The following GRID2 variants were observed in gnomAD, a reference collection of about 807,000 sequenced individuals.
The protein encoded by GRID2 is glutamate receptor ionotropic, delta-2.
GRID2 carries 33 observed loss-of-function variants against 114.8 expected under a neutral mutation model. The observed-to-expected ratio is 0.29, with a 90% CI of 0.22 to 0.38. The LOEUF is 0.38. Ranked by LOEUF, GRID2 falls within the 10% of genes least tolerant of loss-of-function variation. GRID2 has a pLI of 1.00. For missense variants in GRID2, 1,184 were observed against 1,257.7 expected (o/e 0.94, Z 0.89); for synonymous variants, 505 against 449.9 (o/e 1.12, Z -1.55).
At chr4:93,701,091 T>G (rs1292452954) in intron 14 of GRID2, among the ~76,000 whole-genome samples, 4 of 152,134 alleles carry the variant, frequency 2.6e-5, no homozygotes, top group East Asian at 1.9e-4. Context: ...GAAGGAAGCT[T>G]TGTTCAGCCC....
At chr4:92,807,678 C>T (rs756824610) in intron 2 of GRID2, among the ~76,000 whole-genome samples, 3 of 151,918 alleles carry the variant, frequency 2.0e-5, no homozygotes, top group Non-Finnish European at 4.4e-5. Flanking sequence ...TGAAAGGAGA[C>T]GTTGATAAGA....
chr4:92,515,225 T>G (rs553049595), intron 1 of GRID2, among the ~76,000 whole-genome samples: 75 of 152,052 alleles, frequency 4.9e-4, no homozygotes, highest in African/African-American at 1.8e-3. Flanking sequence ...AAAATTCTGT[T>G]GTTCACCATT....
chr4:92,713,464 CATATACATATACATATATATAT>C (rs1370382834), intron 2 of GRID2, among the ~76,000 whole-genome samples: 3 of 73,226 alleles, frequency 4.1e-5, no homozygotes, highest in African/African-American at 1.6e-4. Context: ...CATATATTTA[CATATACATATACATATATATAT>C]ATATATATAT....
chr4:93,805,108 G>A (rs149497949), intron 1 of GRID2, among the ~76,000 whole-genome samples: 58 of 152,270 alleles, frequency 3.8e-4, no homozygotes, highest in African/African-American at 1.3e-3. Context: ...GAAGAAATGT[G>A]TAAATTTTGC....
intron 1 of GRID2, among the ~76,000 whole-genome samples, chr4:92,419,923 G>A (rs868470522): frequency 3.9e-5 from 6 of 151,936 alleles, no homozygotes; most frequent in East Asian, 1.9e-4. Context: ...CAAATTTTAC[G>A]CTGTTGTTCT....
intron 1 of GRID2, among the ~76,000 whole-genome samples, chr4:92,547,689 T>G (rs1328219427): frequency 6.6e-6 from 1 of 152,130 alleles, no homozygotes; most frequent in East Asian, 1.9e-4. Context: ...TTTCATTGCT[T>G]TCTTTATATG....
At chr4:92,628,457 C>G (rs1305074637) in intron 2 of GRID2, among the ~76,000 whole-genome samples, 1 of 152,138 alleles carries the variant, frequency 6.6e-6, no homozygotes, top group African/African-American at 2.4e-5. Flanking sequence ...CTCCCAGGTT[C>G]AAGCAATTCT....
At chr4:92,974,588 C>G (rs1173639919) in intron 2 of GRID2, among the ~76,000 whole-genome samples, 2 of 151,910 alleles carry the variant, frequency 1.3e-5, no homozygotes, top group Non-Finnish European at 1.5e-5. Context: ...ATCACAAGAT[C>G]AGAAAACCAT....
chr4:92,355,523 T>G (rs1447493393), intron 1 of GRID2, among the ~76,000 whole-genome samples: 1 of 151,784 alleles, frequency 6.6e-6, no homozygotes. Flanking sequence ...GAAAAAAAGG[T>G]CATAAGGGTA....
chr4:92,835,304 T>C (rs1742379873), intron 2 of GRID2, among the ~76,000 whole-genome samples: 1 of 151,940 alleles, frequency 6.6e-6, no homozygotes, highest in African/African-American at 2.4e-5. Flanking sequence ...ATGCATACAT[T>C]AATTATTTTT....
chr4:92,482,254 G>T (rs56022555), intron 1 of GRID2, among the ~76,000 whole-genome samples: 3,868 of 151,588 alleles, frequency 0.026, 159 homozygotes, highest in African/African-American at 0.088. Context: ...TTATATGTGG[G>T]TGCTAAACTT....
intron 9 of GRID2, among the ~76,000 whole-genome samples, chr4:93,400,191 A>G (rs550358415): frequency 2.6e-5 from 4 of 152,176 alleles, no homozygotes; most frequent in East Asian, 3.9e-4. Flanking sequence ...GAAATTTGAT[A>G]TAATTATTGA....
Position 93,332,251 on chromosome 4 carries a change from A to AGT in GRID2, c.1246-63342_1246-63341dup, listed in dbSNP as rs3043887. On this transcript the variant is annotated intron_variant, in intron 8 of 15. Transcript: ENST00000282020. Reference sequence around the variant, plus strand: ...AAGAGAAGTTAAAAGCCAGAAAAAGAGTGTGTGTGTGTGTGCGTGTGTGTG... The same window carrying AGT: ...AAGAGAAGTTAAAAGCCAGAAAAAGAGTGTGTGTGTGTGTGTGCGTGTGTGTG... 1.3e-4 allele frequency among the ~76,000 whole-genome samples: 17 copies of AGT among 130,032 alleles called. No individual in the cohort carries two copies. The South Asian group carries it at 1.4e-3, about 10-fold the overall frequency. The allele number at this position is 130,032 out of a possible 152,430, so 85.3% of individuals were successfully genotyped here.
At chr4:93,155,525 C>T (rs1334267166) in intron 4 of GRID2, among the ~76,000 whole-genome samples, 5 of 151,856 alleles carry the variant, frequency 3.3e-5, no homozygotes, top group East Asian at 1.9e-4. Flanking sequence ...TGAACTAAGC[C>T]GACATTTCCT....
At chr4:93,177,043 G>C (rs1393418150) in intron 4 of GRID2, among the ~76,000 whole-genome samples, 2 of 152,146 alleles carry the variant, frequency 1.3e-5, no homozygotes, top group Non-Finnish European at 2.9e-5. Context: ...TTTGCTGCGT[G>C]ATACCGATGT....
intron 14 of GRID2, among the ~76,000 whole-genome samples, chr4:93,700,611 G>T (rs1434477823): frequency 6.6e-6 from 1 of 152,102 alleles, no homozygotes; most frequent in African/African-American, 2.4e-5. Context: ...TTTTGAAGCT[G>T]TTCCTCTCTC....
At chr4:92,510,048 G>C (rs1387163878) in intron 1 of GRID2, among the ~76,000 whole-genome samples, 1 of 151,840 alleles carries the variant, frequency 6.6e-6, no homozygotes, top group Non-Finnish European at 1.5e-5. Flanking sequence ...GTTAATAAGA[G>C]ACTGTATTGG....
At chr4:93,202,403 T>C (rs1056995733) in intron 4 of GRID2, among the ~76,000 whole-genome samples, 1 of 152,056 alleles carries the variant, frequency 6.6e-6, no homozygotes, top group African/African-American at 2.4e-5. Context: ...AAAAGGAAAA[T>C]TGCAATCAAA....
chr4:92,788,824 A>C (rs1336576848), intron 2 of GRID2, among the ~76,000 whole-genome samples: 1 of 151,498 alleles, frequency 6.6e-6, no homozygotes, highest in Non-Finnish European at 1.5e-5. Context: ...TTTTTATCTG[A>C]TATTTTTAGT....
Sources: gnomAD v4.1 joint callset for allele counts (sites outside exome capture counted in the v4.1 genomes callset) on GRCh38, gnomAD v4.1.1 for gene constraint, MANE v1.5 for transcripts, NCBI Gene and HGNC (gene_info 2026-07-23, HGNC 2026-07-21) for gene names.